The following SRSF4 variants were observed in gnomAD, a reference collection of about 807,000 sequenced individuals.
The protein encoded by SRSF4 is serine and arginine rich splicing factor 4, also known as serine/arginine-rich splicing factor 4.
Under a neutral mutation model 48.8 loss-of-function variants are expected in SRSF4, and 12 were observed. The observed-to-expected ratio is 0.25, with a 90% CI of 0.16 to 0.40. The LOEUF (loss-of-function observed/expected upper bound fraction) is 0.40, where lower values mean the gene tolerates loss of function less well. Ranked by LOEUF, SRSF4 falls within the 10% of genes least tolerant of loss-of-function variation. SRSF4 has a pLI of 1.00. For missense variants in SRSF4, 466 were observed against 667.1 expected (o/e 0.70, Z 3.32); for synonymous variants, 248 against 232.5 (o/e 1.07, Z -0.61).
Position 29,148,193 on chromosome 1 carries a change from G to T in SRSF4, c.*217C>A. The T allele has an allele frequency of 1.4e-6, 1 of 718,260 alleles. No individual in the cohort carries two copies. The highest frequency in any genetic ancestry group is 1.5e-5 in the South Asian group (1 of 67,076). The allele number at this position is 718,260 out of a possible 1,614,324, so 44.5% of individuals were successfully genotyped here. ...TTCTACTGTGGGCCATGAGTAAAAG[G>T]GGATTTTCAAAGAGAAAATTTTTTT... On this transcript the variant is annotated 3_prime_UTR_variant, in exon 6 of 6. Transcript: ENST00000373795.
At chr1:29,149,378 C>T (rs769662704) in intron 5 of SRSF4, 152 bp from the exon 6 acceptor site, 16 of 1,046,490 alleles carry the variant, frequency 1.5e-5, no homozygotes, top group Non-Finnish European at 2.1e-5. Context: ...CTCACAATGC[C>T]AATCAGAAGC....
intron 1 of SRSF4, among the ~76,000 whole-genome samples, chr1:29,178,932 A>G (rs1431518138): frequency 6.6e-6 from 1 of 152,100 alleles, no homozygotes; most frequent in Non-Finnish European, 1.5e-5. Context: ...CTGTTTGGTG[A>G]CTGTCATACC....
At chr1:29,161,419 T>G (rs1179815050) in intron 1 of SRSF4, among the ~76,000 whole-genome samples, 3 of 152,180 alleles carry the variant, frequency 2.0e-5, no homozygotes, top group Non-Finnish European at 4.4e-5. Flanking sequence ...TTATTGATCA[T>G]AACTAATCAG....
chr1:29,150,560 G>A (rs1672393638), intron 4 of SRSF4, among the ~76,000 whole-genome samples: 1 of 152,054 alleles, frequency 6.6e-6, no homozygotes, highest in South Asian at 2.1e-4. Context: ...CACCGTACCC[G>A]GCCAAGATTT....
chr1:29,156,773 T>A (rs1672506657), intron 3 of SRSF4, among the ~76,000 whole-genome samples: 1 of 152,108 alleles, frequency 6.6e-6, no homozygotes, highest in Non-Finnish European at 1.5e-5. Context: ...GTACCCAAAG[T>A]CTGGTGGCGA....
At chr1:29,175,773 A>T (rs569421460) in intron 1 of SRSF4, among the ~76,000 whole-genome samples, 1 of 150,124 alleles carries the variant, frequency 6.7e-6, no homozygotes, top group South Asian at 2.1e-4. Flanking sequence ...TGGGTCTTTA[A>T]TTTTAACTAT....
intron 1 of SRSF4, chr1:29,169,490 G>A (rs1219101630): frequency 6.6e-6 from 1 of 152,226 alleles, no homozygotes; most frequent in Non-Finnish European, 1.5e-5. Flanking sequence ...TGATGTGTGT[G>A]TGCTAATACC....
chr1:29,180,164 C>A (rs1352147014), intron 1 of SRSF4, among the ~76,000 whole-genome samples: 1 of 152,188 alleles, frequency 6.6e-6, no homozygotes, highest in Non-Finnish European at 1.5e-5. Context: ...GTGGTGGAAC[C>A]AGGATTTGAC....
chr1:29,174,737 G>A lies in SRSF4; in HGVS notation c.107+6909C>T, dbSNP rs540010822. On this transcript the variant is annotated intron_variant, in intron 1 of 5. Transcript: ENST00000373795. ...TCACCAGGCTGGAGTGCAGTGGCCC[G>A]ATCTAGGCTCATTGCAACCTCCACT... 8.3e-5 allele frequency among the ~76,000 whole-genome samples: 12 copies of A among 145,240 alleles called. No homozygotes were observed. The East Asian group carries it at 1.7e-3, about 20-fold the overall frequency.
chr1:29,176,444 CAG>C (rs756091590), intron 1 of SRSF4, among the ~76,000 whole-genome samples: 3 of 149,484 alleles, frequency 2.0e-5, no homozygotes, highest in Non-Finnish European at 4.4e-5. Context: ...CGATGAATGA[CAG>C]AGCCTTGGGA....
At chr1:29,177,512 C>T (rs1375571873) in intron 1 of SRSF4, among the ~76,000 whole-genome samples, 1 of 152,102 alleles carries the variant, frequency 6.6e-6, no homozygotes, top group Non-Finnish European at 1.5e-5. Context: ...GAACTTATGA[C>T]CTTGGGTGAT....
intron 1 of SRSF4, among the ~76,000 whole-genome samples, chr1:29,164,420 A>C (rs949350471): frequency 6.6e-6 from 1 of 152,268 alleles, no homozygotes; most frequent in African/African-American, 2.4e-5. Context: ...AACGTGAAAC[A>C]AATCTCTTTT....
Position 29,154,924 on chromosome 1 carries a change from A to G in SRSF4, c.364-14T>C, listed in dbSNP as rs368989720. ...ACGCATATAATCCTGAAGAAAAAAA[A>G]AAGTGTGACTACATTAGGATATGTT... On this transcript the variant is annotated splice_polypyrimidine_tract_variant and intron_variant, in intron 3 of 5. Transcript: ENST00000373795. 4.4e-5 allele frequency: 71 copies of G among 1,603,968 alleles called. No individual in the cohort carries two copies. The African/African-American group carries it at 9.3e-4, about 21-fold the overall frequency.
At chr1:29,165,174 C>T (rs1016069957) in intron 1 of SRSF4, among the ~76,000 whole-genome samples, 5 of 152,096 alleles carry the variant, frequency 3.3e-5, no homozygotes, top group African/African-American at 7.2e-5. Context: ...TGTCATTTTC[C>T]CTGTAAAAAA....
At chr1:29,175,852 A>G (rs1466403553) in intron 1 of SRSF4, among the ~76,000 whole-genome samples, 1 of 152,114 alleles carries the variant, frequency 6.6e-6, no homozygotes, top group East Asian at 1.9e-4. Flanking sequence ...GATAATCCTA[A>G]AATTAATCCA....
At chr1:29,150,013 G>A in intron 5 of SRSF4, 90 bp downstream of exon 5, 1 of 1,073,800 alleles carries the variant, frequency 9.3e-7, no homozygotes, top group South Asian at 1.3e-5. Flanking sequence ...GGGTGACAGA[G>A]TGTCTCTTTG....
chr1:29,173,773 G>T (rs1011501027), intron 1 of SRSF4, among the ~76,000 whole-genome samples: 17 of 151,630 alleles, frequency 1.1e-4, no homozygotes, highest in African/African-American at 4.1e-4. Flanking sequence ...AATTTGTTAT[G>T]CTTGATAGGC....
chr1:29,174,275 A>C (rs1200987145), intron 1 of SRSF4, among the ~76,000 whole-genome samples: 1 of 152,216 alleles, frequency 6.6e-6, no homozygotes, highest in Non-Finnish European at 1.5e-5. Context: ...TTTACCGAGT[A>C]ATGGAATAGC....
intron 5 of SRSF4, among the ~76,000 whole-genome samples, chr1:29,149,687 G>GAAAAAA (rs539756933): frequency 1.4e-4 from 13 of 92,524 alleles, no homozygotes; most frequent in Non-Finnish European, 2.6e-4. Context: ...TCTTGAGGGG[G>GAAAAAA]GAAAAAAAAA....
Sources: gnomAD v4.1 joint callset for allele counts (sites outside exome capture counted in the v4.1 genomes callset) on GRCh38, gnomAD v4.1.1 for gene constraint, MANE v1.5 for transcripts, NCBI Gene and HGNC (gene_info 2026-07-23, HGNC 2026-07-21) for gene names.